The following SLA2 variants were observed in gnomAD, a reference collection of about 807,000 sequenced individuals.
SLA2 encodes the protein src-like-adapter 2.
Under a neutral mutation model 27.3 loss-of-function variants are expected in SLA2, and 22 were observed. The observed-to-expected ratio is 0.81, with a 90% CI of 0.58 to 1.15. The LOEUF (loss-of-function observed/expected upper bound fraction) is 1.15. Ranked by LOEUF, SLA2 falls within the 50% of genes most tolerant of loss-of-function variation. SLA2 has a pLI of 0.00. For synonymous variants in SLA2, 131 were observed against 137.8 expected (o/e 0.95, Z 0.34); for missense variants, 304 against 322.2 (o/e 0.94, Z 0.43).
In SLA2 at chr20:36,615,376, T is replaced by C. The variant is rs1256072787; in HGVS notation, c.383-2A>G. The C allele has an allele frequency of 3.1e-6, 5 of 1,613,250 alleles. No individual in the cohort carries two copies. The highest frequency in any genetic ancestry group is 1.7e-5 in the Admixed American group (1 of 59,956). On this transcript the variant is annotated splice_acceptor_variant, in intron 5 of 7. Coordinates refer to ENST00000262866, the MANE Select transcript of SLA2 (RefSeq NM_032214.4). LOFTEE classifies it high-confidence loss of function. The stretch of plus-strand genomic sequence containing the variant: ...GGCGGACTGACAGAGAGTAAGAGCC[T>C]GAGGAGAAAGGGGTCCAGGGGTGGC...
At position 36,614,416 on chromosome 20, in the gene SLA2, CAG is replaced by C. The variant is rs1390025783; in HGVS notation, c.552_553del (p.Cys184TrpfsTer44). 1 of 1,610,698 alleles carries C rather than the reference CAG, an allele frequency of 6.2e-7. No individual in the cohort carries two copies. Among genetic ancestry groups the C allele is most frequent in the Non-Finnish European group, 8.5e-7 (1 of 1,178,344 alleles). On this transcript the variant is annotated frameshift_variant, in exon 7 of 8. Coordinates refer to ENST00000262866, the MANE Select transcript of SLA2 (RefSeq NM_032214.4). LOFTEE classifies it high-confidence loss of function. ...CAGGACACAGGGCTCCTTGAGTAGGCAGCAGATGTCATCCGCCAGCTCTGAGG... is the reference window on the plus strand; with the variant it reads ...CAGGACACAGGGCTCCTTGAGTAGGCCAGATGTCATCCGCCAGCTCTGAGG...
In SLA2 at chr20:36,627,333, T is replaced by TGA. The variant is rs71186006; in HGVS notation, c.382+5260_382+5261dup. ...GGTATTCCAGTGATGATGCTGGGAG[T>TGA]GAGGGATGAGGGATCAGATAAGGAG... is the stretch of plus-strand genomic sequence containing the variant. On this transcript the variant is annotated intron_variant, in intron 5 of 7. Transcript: ENST00000262866. 5.3e-3 allele frequency among the ~76,000 whole-genome samples: 800 copies of TGA among 151,714 alleles called. 2 individuals carry two copies. The highest frequency in any genetic ancestry group is 8.5e-3 in the Non-Finnish European group (574 of 67,886).
At chr20:36,639,248 G>A (rs1344053244) in intron 2 of SLA2, among the ~76,000 whole-genome samples, 1 of 152,184 alleles carries the variant, frequency 6.6e-6, no homozygotes, top group Admixed American at 6.6e-5. Flanking sequence ...CAAGACTGAC[G>A]TCCTTTGAGG....
At chr20:36,627,568 C>T (rs1007932465) in intron 5 of SLA2, among the ~76,000 whole-genome samples, 2 of 152,218 alleles carry the variant, frequency 1.3e-5, no homozygotes, top group East Asian at 3.8e-4. Flanking sequence ...GCAGGAACCA[C>T]GTCTTGCTCA....
At chr20:36,630,493 A>T (rs2039382784) in intron 5 of SLA2, among the ~76,000 whole-genome samples, 1 of 152,160 alleles carries the variant, frequency 6.6e-6, no homozygotes, top group Admixed American at 6.5e-5. Flanking sequence ...TTGCAGTGCC[A>T]ACATTACTGC....
intron 4 of SLA2, among the ~76,000 whole-genome samples, chr20:36,633,066 C>T (rs1422430198): frequency 6.6e-6 from 1 of 152,138 alleles, no homozygotes; most frequent in Non-Finnish European, 1.5e-5. Flanking sequence ...AAGAGCTGCC[C>T]CTCTGTTTTT....
intron 5 of SLA2, among the ~76,000 whole-genome samples, chr20:36,618,639 C>T (rs906517815): frequency 6.6e-5 from 10 of 152,114 alleles, no homozygotes; most frequent in African/African-American, 2.2e-4. Flanking sequence ...GGCGCAGTGG[C>T]TCAAGCCTGT....
intron 5 of SLA2, among the ~76,000 whole-genome samples, chr20:36,618,047 T>C (rs529633742): frequency 6.7e-6 from 1 of 148,544 alleles, no homozygotes; most frequent in South Asian, 2.1e-4. Flanking sequence ...CTCGGGAGGC[T>C]GAGGCAGGAG....
intron 5 of SLA2, among the ~76,000 whole-genome samples, chr20:36,619,189 C>T (rs1316622168): frequency 6.9e-6 from 1 of 144,384 alleles, no homozygotes; most frequent in African/African-American, 2.6e-5. Flanking sequence ...CCACTGCACT[C>T]CAGCTTGGGC....
At position 36,614,400 on chromosome 20, in the gene SLA2, G is replaced by C. The variant is rs777969509; in HGVS notation, c.570C>G (p.Pro190=). The stretch of plus-strand genomic sequence containing the variant: ...GCGGGCCAGCCCTCTGCAGGACACA[G>C]GGCTCCTTGAGTAGGCAGCAGATGT... ...ADDICCLLKE[P]CVLQRAGPLP... is the part of the protein sequence containing the mutation. The change falls in exon 7 of 8, where the codon CCC becomes CCG. Residue 190 remains proline, a synonymous_variant. Transcript: ENST00000262866. 3.7e-6 allele frequency: 6 copies of C among 1,613,322 alleles called. No homozygotes were observed. The highest frequency in any genetic ancestry group is 4.2e-6 in the Non-Finnish European group (5 of 1,179,614).
rs1186015092 is a variant in SLA2 at position 36,612,551 on chromosome 20, T to C, written c.*1315A>G. The C allele has an allele frequency of 8.7e-6, 3 of 346,800 alleles. No individual in the cohort carries two copies. Among genetic ancestry groups the C allele is most frequent in the Non-Finnish European group, 1.7e-5 (3 of 181,362 alleles). 21.5% of individuals were successfully genotyped at this position (346,800 alleles called of 1,614,324 possible). A position where few individuals can be genotyped will look rare whatever the true frequency, so the allele number is the denominator to read the frequency against. Reference sequence around the variant, plus strand: ...ATACTTGAATAAATCAAATCTTTAATTGAGAACCTGTTGATGATACCTGAT... The same window carrying C: ...ATACTTGAATAAATCAAATCTTTAACTGAGAACCTGTTGATGATACCTGAT... On this transcript the variant is annotated 3_prime_UTR_variant, in exon 8 of 8. Coordinates refer to ENST00000262866, the MANE Select transcript of SLA2 (RefSeq NM_032214.4).
intron 5 of SLA2, among the ~76,000 whole-genome samples, chr20:36,629,961 C>T (rs2039377435): frequency 6.6e-6 from 1 of 151,682 alleles, no homozygotes; most frequent in African/African-American, 2.4e-5. Flanking sequence ...AGTCTCCATA[C>T]GGCTTTCTCT....
At chr20:36,624,443 T>G (rs1229620677) in intron 5 of SLA2, among the ~76,000 whole-genome samples, 2 of 152,120 alleles carry the variant, frequency 1.3e-5, no homozygotes, top group African/African-American at 4.8e-5. Flanking sequence ...TCTTGGCACT[T>G]ATCACTCTCA....
chr20:36,622,100 A>G (rs1246938567), intron 5 of SLA2, among the ~76,000 whole-genome samples: 1 of 151,748 alleles, frequency 6.6e-6, no homozygotes, highest in Admixed American at 6.6e-5. Flanking sequence ...CAGGTGGATC[A>G]CCTGAGGCCA....
chr20:36,634,516 G>C lies in SLA2; in HGVS notation c.165C>G (p.Leu55=). 2 of 1,611,154 alleles carry C rather than the reference G, an allele frequency of 1.2e-6. No individual in the cohort carries two copies. The highest frequency in any genetic ancestry group is 1.3e-5 in the African/African-American group (1 of 75,016). The change falls in exon 3 of 8, where the codon CTC becomes CTG. Residue 55 remains leucine (L), a synonymous_variant. Transcript: ENST00000262866. ...CAGAGACGATGGTCAATGGCTCCCCGAGTCTCAGCGACAGCTCGGCCGGGC... is the reference window on the plus strand; with the variant it reads ...CAGAGACGATGGTCAATGGCTCCCCCAGTCTCAGCGACAGCTCGGCCGGGC... ...AGGPAELSLR[L]GEPLTIVSED...
At chr20:36,614,756 C>T in intron 6 of SLA2, 3 of 985,436 alleles carry the variant, frequency 3.0e-6, no homozygotes, top group Non-Finnish European at 3.6e-6. Flanking sequence ...TCTACTTCCA[C>T]ACAGAGTGAC....
Position 36,614,361 on chromosome 20 carries a change from A to G in SLA2, c.609T>C (p.Asp203=), listed in dbSNP as rs1249956644. 1 of 1,614,124 alleles carries G rather than the reference A, an allele frequency of 6.2e-7. No individual in the cohort carries two copies. The highest frequency in any genetic ancestry group is 1.1e-5 in the South Asian group (1 of 91,086). The change falls in exon 7 of 8, where the codon GAT becomes GAC. Residue 203 remains aspartate (D), a synonymous_variant. Coordinates refer to ENST00000262866, the MANE Select transcript of SLA2 (RefSeq NM_032214.4). ...LQRAGPLPGK[D]IPLPVTVQRT... is the part of the protein sequence containing the mutation. ...TCTGCACAGTCACAGGTAGGGGTAT[A>G]TCCTTGCCAGGGAGCGGGCCAGCCC... is the stretch of plus-strand genomic sequence containing the variant.
At chr20:36,631,988 C>A (rs183900329) in intron 5 of SLA2, among the ~76,000 whole-genome samples, 1 of 152,140 alleles carries the variant, frequency 6.6e-6, no homozygotes, top group Admixed American at 6.5e-5. Flanking sequence ...GAGAAGGATA[C>A]GATTTTCGGG....
chr20:36,635,115 G>A (rs1297370322), intron 2 of SLA2, among the ~76,000 whole-genome samples: 5 of 151,854 alleles, frequency 3.3e-5, no homozygotes, highest in African/African-American at 7.3e-5. Context: ...AGGCGGCAAG[G>A]GCACCCTCAG....
Sources: allele counts gnomAD v4.1 joint callset (sites outside exome capture counted in the v4.1 genomes callset), GRCh38; gene constraint gnomAD v4.1.1; transcripts MANE v1.5; gene names NCBI Gene and HGNC (gene_info 2026-07-23, HGNC 2026-07-21).